SHLD2: variants seen among roughly 807,000 people sequenced by gnomAD.
SHLD2 encodes the protein RINN1-REV7-interacting novel NHEJ regulator 2.
In SHLD2, 30 loss-of-function variants were observed where a neutral mutation model predicts 73.2. The ratio of observed to expected loss-of-function variants is 0.41; its 90% CI spans 0.31 to 0.56. The LOEUF (loss-of-function observed/expected upper bound fraction) is 0.56. Among genes scored for constraint, SHLD2 ranks in the 20% least tolerant of loss-of-function variants. The pLI is 0.28. For synonymous variants in SHLD2, 285 were observed against 370.1 expected (o/e 0.77, Z 2.64); for missense variants, 745 against 1,055.9 (o/e 0.71, Z 4.08).
chr10:87,137,622 A>G (rs1844889641), intron 2 of SHLD2, among the ~76,000 whole-genome samples: 2 of 152,074 alleles, frequency 1.3e-5, no homozygotes, highest in Non-Finnish European at 2.9e-5. Context: ...AGGAGAGAAG[A>G]GAATGTGGCA....
intron 6 of SHLD2, among the ~76,000 whole-genome samples, chr10:87,175,165 A>C (rs551577125): frequency 6.6e-6 from 1 of 152,144 alleles, no homozygotes; most frequent in South Asian, 2.1e-4. Context: ...AAATAAGTAC[A>C]ATTGTGTCTA....
chr10:87,148,498 G>C (rs1309631491), intron 2 of SHLD2, among the ~76,000 whole-genome samples: 2 of 150,772 alleles, frequency 1.3e-5, no homozygotes, highest in African/African-American at 4.9e-5. Context: ...AAAATGGTTG[G>C]AGTAGAAGTG....
chr10:87,134,379 G>C (rs1844646570), intron 2 of SHLD2, among the ~76,000 whole-genome samples: 1 of 152,140 alleles, frequency 6.6e-6, no homozygotes, highest in African/African-American at 2.4e-5. Flanking sequence ...AAAGGAATAG[G>C]AATCCACCAT....
chr10:87,176,196 A>G lies in SHLD2; in HGVS notation c.2170+101A>G, dbSNP rs1273060521. On this transcript the variant is annotated intron_variant, in intron 7 of 9. Transcript: ENST00000298786. ...GAATACAGTGGTGTGAACACAGCTC[A>G]CTGCAGTCTCCACCTCCCAGGTTTA... is the stretch of plus-strand genomic sequence containing the variant. 33 of 1,419,368 alleles carry G rather than the reference A, an allele frequency of 2.3e-5. No homozygotes were observed. The Admixed American group carries it at 5.0e-4, about 21-fold the overall frequency. The allele number at this position is 1,419,368 out of a possible 1,614,324, so 87.9% of individuals were successfully genotyped here.
Position 87,170,585 on chromosome 10 carries a change from A to G in SHLD2, c.1741A>G (p.Ser581Gly). 1 of 1,613,738 alleles carries G rather than the reference A, an allele frequency of 6.2e-7. No homozygotes were observed. The highest frequency in any genetic ancestry group is 2.2e-5 in the East Asian group (1 of 44,864). ...TCCGAGGCAGCCTCAGAGGGTGAAC[A>G]GTATAGACTTTGTAGAATTGGAGCA... ...LPPRQPQRVN[S>G]IDFVELEHLQ... The change falls in exon 5 of 10, where the codon AGT becomes GGT. Residue 581 changes from serine (S) to glycine (G), a missense_variant. By Grantham distance (56) the Ser-to-Gly change is moderately conservative. Coordinates refer to ENST00000298786, the MANE Select transcript of SHLD2 (RefSeq NM_001330112.2).
intron 2 of SHLD2, among the ~76,000 whole-genome samples, chr10:87,126,163 T>C (rs1843993833): frequency 6.6e-6 from 1 of 152,220 alleles, no homozygotes; most frequent in Non-Finnish European, 1.5e-5. Context: ...ACTGCAGCCT[T>C]GACCTTCTGG....
intron 2 of SHLD2, among the ~76,000 whole-genome samples, chr10:87,105,966 C>T (rs1842568690): frequency 6.6e-6 from 1 of 152,160 alleles, no homozygotes; most frequent in Non-Finnish European, 1.5e-5. Flanking sequence ...CAGACTGTGC[C>T]AGCCAGGAAG....
At chr10:87,109,841 G>C (rs970925429) in intron 2 of SHLD2, among the ~76,000 whole-genome samples, 28 of 152,150 alleles carry the variant, frequency 1.8e-4, no homozygotes, top group African/African-American at 6.8e-4. Context: ...CACAGTTTTA[G>C]AATTTAAAAA....
chr10:87,136,426 C>T (rs1844804861), intron 2 of SHLD2, among the ~76,000 whole-genome samples: 2 of 150,598 alleles, frequency 1.3e-5, no homozygotes, highest in Admixed American at 1.3e-4. Flanking sequence ...GTTCCTTTTA[C>T]TGGAGAATGG....
At chr10:87,104,108 G>A (rs1467958363) in intron 2 of SHLD2, among the ~76,000 whole-genome samples, 1 of 149,694 alleles carries the variant, frequency 6.7e-6, no homozygotes, top group Admixed American at 6.7e-5. Flanking sequence ...TGGCGGGCAG[G>A]TGCTTGTAAT....
intron 2 of SHLD2, among the ~76,000 whole-genome samples, chr10:87,116,959 G>A (rs1170893381): frequency 2.0e-5 from 3 of 152,156 alleles, no homozygotes; most frequent in African/African-American, 7.2e-5. Flanking sequence ...GTGGCTGCTG[G>A]GACATGAAGT....
chr10:87,166,174 T>C (rs1462222000), intron 4 of SHLD2, among the ~76,000 whole-genome samples: 1 of 151,890 alleles, frequency 6.6e-6, no homozygotes, highest in African/African-American at 2.4e-5. Context: ...ACCAGTGCAA[T>C]AAACATGGAA....
At chr10:87,123,845 G>T (rs1185690719) in intron 2 of SHLD2, among the ~76,000 whole-genome samples, 1 of 152,166 alleles carries the variant, frequency 6.6e-6, no homozygotes, top group Non-Finnish European at 1.5e-5. Context: ...TTAGTTTGAG[G>T]ATAGTTATCT....
At chr10:87,173,216 C>T (rs1360577146) in intron 6 of SHLD2, among the ~76,000 whole-genome samples, 3 of 151,626 alleles carry the variant, frequency 2.0e-5, no homozygotes, top group Admixed American at 1.3e-4. Context: ...TTAGTAGAGA[C>T]GAGGTTTCAC....
chr10:87,157,969 A>G, intron 3 of SHLD2, 79 bp from the exon 4 acceptor site: 1 of 1,197,404 alleles, frequency 8.4e-7, no homozygotes, highest in Non-Finnish European at 1.2e-6. Context: ...AGGCATGCAT[A>G]GTATTTTGTT....
At chr10:87,145,969 A>C (rs1326995763) in intron 2 of SHLD2, among the ~76,000 whole-genome samples, 2 of 152,208 alleles carry the variant, frequency 1.3e-5, no homozygotes, top group African/African-American at 4.8e-5. Flanking sequence ...GCTATCATAC[A>C]TATTTTGTTT....
rs375669120 is a variant in SHLD2, at chr10:87,184,070, C to T, written c.2400-3015C>T. On this transcript the variant is annotated intron_variant, in intron 8 of 9. Transcript: ENST00000298786. ...CACATTTAAACATACCCACAATAGA[C>T]TCTTGTTTTTCCTAACCACACTCAA... Among the ~76,000 whole-genome samples, 3 of 152,302 alleles carry T rather than the reference C, an allele frequency of 2.0e-5. No individual in the cohort carries two copies. In the East Asian group the frequency reaches 5.8e-4, roughly 29 times the overall value.
intron 2 of SHLD2, among the ~76,000 whole-genome samples, chr10:87,122,370 G>T (rs540266790): frequency 2.0e-5 from 3 of 151,934 alleles, no homozygotes; most frequent in Non-Finnish European, 4.4e-5. Context: ...CAAATATTCT[G>T]CCCATTTTAA....
intron 2 of SHLD2, among the ~76,000 whole-genome samples, chr10:87,123,259 T>C (rs952771402): frequency 6.6e-6 from 1 of 152,170 alleles, no homozygotes; most frequent in African/African-American, 2.4e-5. Flanking sequence ...CTTTCTTCAA[T>C]GAGATGTCAA....
Sources: allele counts gnomAD v4.1 joint callset (sites outside exome capture counted in the v4.1 genomes callset), GRCh38; gene constraint gnomAD v4.1.1; transcripts MANE v1.5; gene names NCBI Gene and HGNC (gene_info 2026-07-23, HGNC 2026-07-21).